DNAH11: variants seen among roughly 807,000 people sequenced by gnomAD.
DNAH11 encodes the protein dynein axonemal heavy chain 11, also known as axonemal beta dynein heavy chain 11.
In DNAH11, 442 loss-of-function variants were observed where a neutral mutation model predicts 526.0. The observed-to-expected ratio is 0.84, with a 90% CI of 0.78 to 0.91. DNAH11 has a LOEUF of 0.91. DNAH11 is among the 40% of genes least tolerant of loss of function. The pLI is 0.00. For missense variants in DNAH11, 6,989 were observed against 5,448.7 expected, an observed-to-expected ratio of 1.28 and a Z score of -8.90; for synonymous variants, 2,461 against 1,935.9, an observed-to-expected ratio of 1.27 and a Z score of -7.12.
At chr7:21,789,449 A>G (rs1361580163) in intron 61 of DNAH11, 107 bp downstream of exon 61, 7 of 666,376 alleles carry the variant, frequency 1.1e-5, no homozygotes, top group Non-Finnish European at 1.8e-5. Flanking sequence ...TCAAGCAGAA[A>G]GGAATTCGAT....
At chr7:21,860,124 G>A (rs1401940738) in intron 68 of DNAH11, among the ~76,000 whole-genome samples, 2 of 152,014 alleles carry the variant, frequency 1.3e-5, no homozygotes. Context: ...AGTGAGCCAC[G>A]GTCACTCCAC....
intron 55 of DNAH11, among the ~76,000 whole-genome samples, chr7:21,768,275 G>A (rs1181252170): frequency 3.9e-5 from 6 of 152,230 alleles, no homozygotes; most frequent in Non-Finnish European, 4.4e-5. Context: ...TGAGAAGCTC[G>A]TTGGAGAGAG....
Position 21,892,789 on chromosome 7 carries a change from C to G in DNAH11, c.12750+122C>G, listed in dbSNP as rs1236075670. On this transcript the variant is annotated intron_variant, in intron 77 of 81. Transcript: ENST00000409508. Reference sequence around the variant, plus strand: ...CTAGGTTTTACTCATACAACCACCACCTAGATCAAAATAACATTTCCAACA... The same window carrying G: ...CTAGGTTTTACTCATACAACCACCAGCTAGATCAAAATAACATTTCCAACA... 6 of 1,146,014 alleles carry G rather than the reference C, an allele frequency of 5.2e-6. No homozygotes were observed. The African/African-American group carries it at 7.8e-5, about 15-fold the overall frequency. 71.0% of individuals were successfully genotyped at this position (1,146,014 alleles called of 1,614,324 possible).
chr7:21,671,046 C>CATTT (rs752310614), intron 30 of DNAH11, among the ~76,000 whole-genome samples: 2 of 152,064 alleles, frequency 1.3e-5, no homozygotes, highest in African/African-American at 2.4e-5. Flanking sequence ...GAAAGTGATC[C>CATTT]ATTTATATCT....
intron 68 of DNAH11, among the ~76,000 whole-genome samples, chr7:21,858,122 A>G (rs568434803): frequency 1.4e-4 from 22 of 152,324 alleles, no homozygotes; most frequent in African/African-American, 5.3e-4. Context: ...ATTATCCACA[A>G]GCACATTAAA....
intron 65 of DNAH11, among the ~76,000 whole-genome samples, chr7:21,831,413 G>A (rs928850534): frequency 1.3e-5 from 2 of 152,110 alleles, no homozygotes; most frequent in African/African-American, 4.8e-5. Context: ...TAATTTAGCA[G>A]CAATGATAAA....
intron 65 of DNAH11, among the ~76,000 whole-genome samples, chr7:21,833,154 A>G (rs1474647715): frequency 6.6e-6 from 1 of 152,196 alleles, no homozygotes; most frequent in Admixed American, 6.5e-5. Flanking sequence ...TTAAATTTAC[A>G]TTTTGTATTT....
At chr7:21,576,090 G>A (rs895730981) in intron 8 of DNAH11, among the ~76,000 whole-genome samples, 8 of 152,102 alleles carry the variant, frequency 5.3e-5, no homozygotes, top group African/African-American at 1.9e-4. Flanking sequence ...ACCTGTCACC[G>A]AGACTCCTCT....
chr7:21,873,814 G>A lies in DNAH11; in HGVS notation c.12195+313G>A, dbSNP rs1173098805. ...TTTTTTTTTTTTTTTTTTTTGAGAC[G>A]GAATCTCACTTTGCCGCCCAGGCTG... is the stretch of plus-strand genomic sequence containing the variant. On this transcript the variant is annotated intron_variant, in intron 74 of 81. Coordinates refer to ENST00000409508, the MANE Select transcript of DNAH11 (RefSeq NM_001277115.2). Among the ~76,000 whole-genome samples, 18 of 56,264 alleles carry A rather than the reference G, an allele frequency of 3.2e-4. No homozygotes were observed. The South Asian group carries it at 6.8e-3, about 21-fold the overall frequency. 36.9% of individuals were successfully genotyped at this position (56,264 alleles called of 152,430 possible).
At chr7:21,865,570 G>C (rs536724945) in intron 70 of DNAH11, among the ~76,000 whole-genome samples, 3 of 152,274 alleles carry the variant, frequency 2.0e-5, no homozygotes, top group Admixed American at 6.5e-5. Flanking sequence ...TTATGGGAGA[G>C]AGCCAACCTT....
rs572194858 is a variant in DNAH11, at chr7:21,651,424, G to A, written c.4945-4408G>A. Among the ~76,000 whole-genome samples the A allele has an allele frequency of 4.6e-4, 70 of 151,836 alleles. 4 individuals are homozygous for A. The South Asian group carries it at 0.011, about 25-fold the overall frequency. ...GTCACCCAGGCTGGAGTGCAGTGGC[G>A]CGATCTCAGCTCACTGCAACCTCCG... is the stretch of plus-strand genomic sequence containing the variant. On this transcript the variant is annotated intron_variant, in intron 28 of 81. Coordinates refer to ENST00000409508, the MANE Select transcript of DNAH11 (RefSeq NM_001277115.2).
intron 74 of DNAH11, among the ~76,000 whole-genome samples, chr7:21,873,784 C>CTTTTTGTT (rs1783591168): frequency 1.4e-5 from 1 of 70,700 alleles, no homozygotes; most frequent in Non-Finnish European, 2.3e-5. Context: ...GAGGAGGTTG[C>CTTTTTGTT]TTTTTTTTTT....
At chr7:21,659,515 T>G (rs1433486681) in intron 30 of DNAH11, among the ~76,000 whole-genome samples, 1 of 152,048 alleles carries the variant, frequency 6.6e-6, no homozygotes, top group Admixed American at 6.6e-5. Flanking sequence ...GACCTTTCCT[T>G]AAGTCTTTCA....
intron 74 of DNAH11, among the ~76,000 whole-genome samples, chr7:21,875,830 G>A (rs369192117): frequency 6.8e-6 from 1 of 146,958 alleles, no homozygotes; most frequent in African/African-American, 2.5e-5. Context: ...TTAATTGAAG[G>A]TTACTTTTAT....
rs563359822 is a variant in DNAH11 at position 21,729,274 on chromosome 7, A to G, written c.7440+3290A>G. On this transcript the variant is annotated intron_variant, in intron 45 of 81. Transcript: ENST00000409508. The stretch of plus-strand genomic sequence containing the variant: ...GTCCTGTTTCCATCCTCTTTACCCC[A>G]AGCTGGCAATATTTCTGCTGGTATA... 2.5e-3 allele frequency among the ~76,000 whole-genome samples: 388 copies of G among 152,190 alleles called. 3 individuals are homozygous for G. Among genetic ancestry groups the G allele is most frequent in the African/African-American group, 9.0e-3 (374 of 41,536 alleles).
In DNAH11 at chr7:21,791,964, C is replaced by T. The variant is rs147092621; in HGVS notation, c.10026+2622C>T. ...TCTGCAGGCTGTACAGGAAGCATAG[C>T]AGTTCCTGCTTTGGGCGGGGCCTCA... is the stretch of plus-strand genomic sequence containing the variant. On this transcript the variant is annotated intron_variant, in intron 61 of 81. Coordinates refer to ENST00000409508, the MANE Select transcript of DNAH11 (RefSeq NM_001277115.2). 5.4e-4 allele frequency among the ~76,000 whole-genome samples: 83 copies of T among 152,300 alleles called. No homozygotes were observed. The East Asian group carries it at 0.013, about 23-fold the overall frequency.
At chr7:21,731,628 AC>A (rs1785390648) in intron 45 of DNAH11, among the ~76,000 whole-genome samples, 1 of 152,210 alleles carries the variant, frequency 6.6e-6, no homozygotes, top group Non-Finnish European at 1.5e-5. Flanking sequence ...GTAGTCCCTC[AC>A]TTATCCATGG....
chr7:21,597,400 C>G (rs1784899674), intron 14 of DNAH11, among the ~76,000 whole-genome samples: 1 of 152,036 alleles, frequency 6.6e-6, no homozygotes, highest in South Asian at 2.1e-4. Context: ...GTTTTCATGT[C>G]TATGTTAGTA....
chr7:21,695,274 C>T (rs1403348140), intron 35 of DNAH11, among the ~76,000 whole-genome samples: 2 of 152,096 alleles, frequency 1.3e-5, no homozygotes, highest in South Asian at 2.1e-4. Context: ...AATAAAGAGC[C>T]CATATAGCCA....
Sources: gnomAD v4.1 joint callset for allele counts (sites outside exome capture counted in the v4.1 genomes callset) on GRCh38, gnomAD v4.1.1 for gene constraint, MANE v1.5 for transcripts, NCBI Gene and HGNC (gene_info 2026-07-23, HGNC 2026-07-21) for gene names.